The following ATP11A variants were observed in gnomAD, a reference collection of about 807,000 sequenced individuals.
The protein encoded by ATP11A is ATPase phospholipid transporting 11A, also known as phospholipid-transporting ATPase IH.
ATP11A carries 81 observed loss-of-function variants against 154.4 expected under a neutral mutation model. The ratio of observed to expected loss-of-function variants is 0.52; its 90% CI spans 0.44 to 0.63. The LOEUF is 0.63. ATP11A is among the 30% of genes least tolerant of loss of function. The pLI, the probability that ATP11A is intolerant of heterozygous loss-of-function variation, is 0.00. For synonymous variants in ATP11A, 623 were observed against 585.9 expected (o/e 1.06, Z -0.91); for missense variants, 1,316 against 1,474.3 (o/e 0.89, Z 1.76).
chr13:112,860,598 CT>C (rs2080072815), intron 24 of ATP11A, 184 bp downstream of exon 24: 1 of 644,942 alleles, frequency 1.6e-6, no homozygotes, highest in African/African-American at 1.8e-5. Context: ...AATGGAGATT[CT>C]TCAAGTCTTG....
intron 1 of ATP11A, among the ~76,000 whole-genome samples, chr13:112,756,666 C>T (rs149760928): frequency 2.0e-4 from 31 of 152,336 alleles, no homozygotes; most frequent in East Asian, 1.5e-3. Context: ...GTCAGAGGTG[C>T]TTCTTGGCTG....
chr13:112,842,108 G>A (rs1177496014), intron 16 of ATP11A, among the ~76,000 whole-genome samples, 168 bp from the exon 17 acceptor site: 1 of 152,192 alleles, frequency 6.6e-6, no homozygotes, highest in Non-Finnish European at 1.5e-5. Flanking sequence ...GGTTATCTGT[G>A]GGTTTATTTT....
At chr13:112,855,035 C>G (rs998368522) in intron 19 of ATP11A, among the ~76,000 whole-genome samples, 4 of 152,072 alleles carry the variant, frequency 2.6e-5, no homozygotes, top group African/African-American at 9.7e-5. Flanking sequence ...GATGCATTAT[C>G]TGAGATTACA....
chr13:112,745,996 C>T (rs1044385285), intron 1 of ATP11A: 1 of 152,192 alleles, frequency 6.6e-6, no homozygotes, highest in Admixed American at 6.5e-5. Context: ...ACTTTAGATA[C>T]GTCATTTCAG....
At chr13:112,730,546 G>A (rs1053334511) in intron 1 of ATP11A, among the ~76,000 whole-genome samples, 1 of 152,226 alleles carries the variant, frequency 6.6e-6, no homozygotes, top group Admixed American at 6.5e-5. Flanking sequence ...ACACACAGCC[G>A]CTTCCCAGGA....
At chr13:112,860,446 C>T (rs2080068954) in intron 24 of ATP11A, 32 bp downstream of exon 24, 1 of 1,612,700 alleles carries the variant, frequency 6.2e-7, no homozygotes, top group Admixed American at 1.7e-5. Context: ...CTCCTGAGAG[C>T]AGAGAGAGTA....
chr13:112,722,712 G>T (rs1889339499), intron 1 of ATP11A, among the ~76,000 whole-genome samples: 2 of 152,178 alleles, frequency 1.3e-5, no homozygotes, highest in South Asian at 4.1e-4. Flanking sequence ...ACTTTAGAAA[G>T]ATTTATTCTG....
In ATP11A at chr13:112,860,497, G is replaced by A. The variant is rs943192386; in HGVS notation, c.2855+83G>A. On this transcript the variant is annotated intron_variant, in intron 24 of 29. Coordinates refer to ENST00000375645, the MANE Select transcript of ATP11A (RefSeq NM_015205.3). Reference sequence around the variant, plus strand: ...GGCAGTTCCTTCCAATAGCCACCTGGCAGACCTCAGTTGAGGGCCAGAAGC... The same window carrying A: ...GGCAGTTCCTTCCAATAGCCACCTGACAGACCTCAGTTGAGGGCCAGAAGC... 27 of 1,552,044 alleles carry A rather than the reference G, an allele frequency of 1.7e-5. No individual in the cohort carries two copies. In the African/African-American group the frequency reaches 2.6e-4, roughly 15 times the overall value.
At chr13:112,833,216 G>C (rs368135209) in intron 14 of ATP11A, among the ~76,000 whole-genome samples, 193 bp downstream of exon 14, 2 of 152,300 alleles carry the variant, frequency 1.3e-5, no homozygotes, top group Admixed American at 1.3e-4. Flanking sequence ...GATAAGCAGC[G>C]TCTGGTCCCC....
chr13:112,703,032 TTTA>T (rs370107180), intron 1 of ATP11A, among the ~76,000 whole-genome samples: 68 of 152,364 alleles, frequency 4.5e-4, no homozygotes, highest in Admixed American at 3.2e-3. Context: ...CTTAAATGGT[TTTA>T]TTGTTATGTA....
At chr13:112,856,237 G>T in intron 20 of ATP11A, 152 bp downstream of exon 20, 1 of 775,652 alleles carries the variant, frequency 1.3e-6, no homozygotes, top group East Asian at 2.8e-5. Context: ...TTAAAACGCA[G>T]ATCTTGTTTT....
In ATP11A at chr13:112,873,844, C is replaced by T. The variant is rs369294256; in HGVS notation, c.3161+168C>T. On this transcript the variant is annotated intron_variant, in intron 27 of 29. Coordinates refer to ENST00000375645, the MANE Select transcript of ATP11A (RefSeq NM_015205.3). The stretch of plus-strand genomic sequence containing the variant: ...TGGGGTCCTGGGATACAGTCGGGGG[C>T]AAGACACCGGGGGGTTCCTGCTCCG... Among the ~76,000 whole-genome samples, 199 of 105,492 alleles carry T rather than the reference C, an allele frequency of 1.9e-3. No homozygotes were observed. In the East Asian group the frequency reaches 0.02, roughly 10 times the overall value. The allele number at this position is 105,492 out of a possible 152,430, so 69.2% of individuals were successfully genotyped here. A position where few individuals can be genotyped will look rare whatever the true frequency, so the allele number is the denominator to read the frequency against.
At chr13:112,845,667 A>G (rs12868338) in intron 17 of ATP11A, among the ~76,000 whole-genome samples, 65 of 79,184 alleles carry the variant, frequency 8.2e-4, no homozygotes, top group African/African-American at 4.5e-3. Flanking sequence ...CAGTCCAGTT[A>G]CCAGGCACTA....
intron 1 of ATP11A, among the ~76,000 whole-genome samples, chr13:112,727,317 G>A (rs527776919): frequency 2.0e-4 from 30 of 152,370 alleles, no homozygotes; most frequent in Non-Finnish European, 4.0e-4. Context: ...AAAGTGCTGG[G>A]ATTAGAGGCG....
intron 2 of ATP11A, among the ~76,000 whole-genome samples, chr13:112,803,544 A>G (rs148424411): frequency 0.021 from 3,168 of 152,028 alleles, 81 homozygotes; most frequent in Non-Finnish European, 0.027. Flanking sequence ...ATGAAATTTC[A>G]GAAACTATTT....
At chr13:112,751,683 A>AAAAC (rs1566425991) in intron 1 of ATP11A, among the ~76,000 whole-genome samples, 53 of 151,000 alleles carry the variant, frequency 3.5e-4, no homozygotes, top group African/African-American at 1.0e-3. Context: ...CAAAACAAAA[A>AAAAC]AAAAAACAGA....
chr13:112,736,918 G>A (rs1384762839), intron 1 of ATP11A, among the ~76,000 whole-genome samples: 1 of 152,148 alleles, frequency 6.6e-6, no homozygotes, highest in Non-Finnish European at 1.5e-5. Flanking sequence ...CCAGGGCAGC[G>A]TTGGAAGGCT....
intron 5 of ATP11A, among the ~76,000 whole-genome samples, chr13:112,814,132 C>T (rs575386407): frequency 2.6e-5 from 4 of 152,020 alleles, no homozygotes; most frequent in South Asian, 2.1e-4. Context: ...GGCGCAATCT[C>T]GGCTCACTGC....
At chr13:112,734,964 T>C (rs1179651184) in intron 1 of ATP11A, among the ~76,000 whole-genome samples, 1 of 152,212 alleles carries the variant, frequency 6.6e-6, no homozygotes, top group Non-Finnish European at 1.5e-5. Context: ...CCACTGGGGC[T>C]TCTAGTCTCC....
Sources: allele counts gnomAD v4.1 joint callset (sites outside exome capture counted in the v4.1 genomes callset), GRCh38; gene constraint gnomAD v4.1.1; transcripts MANE v1.5; gene names NCBI Gene and HGNC (gene_info 2026-07-23, HGNC 2026-07-21).